The following SYNE1 variants were observed in gnomAD, a reference collection of about 807,000 sequenced individuals.
The protein encoded by SYNE1 is nesprin-1.
In SYNE1, 616 loss-of-function variants were observed where a neutral mutation model predicts 1,111.0. The observed-to-expected ratio is 0.55, with a 90% CI of 0.52 to 0.59. The LOEUF (loss-of-function observed/expected upper bound fraction) is 0.59. Among genes scored for constraint, SYNE1 ranks in the 20% least tolerant of loss-of-function variants. SYNE1 has a pLI of 0.00. For missense variants in SYNE1, 10,006 were observed against 10,417.0 expected, an observed-to-expected ratio of 0.96 and a Z score of 1.72; for synonymous variants, 3,855 against 3,825.8, an observed-to-expected ratio of 1.01 and a Z score of -0.28.
intron 98 of SYNE1, among the ~76,000 whole-genome samples, chr6:152,275,373 A>G (rs2153698049): frequency 6.6e-6 from 1 of 152,236 alleles, no homozygotes; most frequent in East Asian, 1.9e-4. Context: ...TCTGTAAAAT[A>G]TGGGGTAGAA....
chr6:152,239,459 A>C (rs1367729081), intron 108 of SYNE1, 74 bp downstream of exon 108: 2 of 1,583,012 alleles, frequency 1.3e-6, no homozygotes, highest in Non-Finnish European at 1.7e-6. Flanking sequence ...GCATGGATAG[A>C]TACATCTTGC....
In SYNE1 at chr6:152,132,119, T is replaced by C; in HGVS notation, c.26094+3A>G. ...CAACTGAAAACGACCAGTGGAAAGT[T>C]ACCGTTTTCTGTCTGTTTGGGGTGC... On this transcript the variant is annotated splice_donor_region_variant and intron_variant, in intron 144 of 145. Coordinates refer to ENST00000367255, the MANE Select transcript of SYNE1 (RefSeq NM_182961.4). 1.9e-6 allele frequency: 3 copies of C among 1,613,852 alleles called. No individual in the cohort carries two copies. Among genetic ancestry groups the C allele is most frequent in the Non-Finnish European group, 2.5e-6 (3 of 1,179,782 alleles).
chr6:152,317,647 G>T lies in SYNE1; in HGVS notation c.16572+434C>A, dbSNP rs377719138. Reference sequence around the variant, plus strand: ...TAACTTGTCCCTGATTATATTAATCGATTTCAAAAGTCTAGTCTATATGCA... The same window carrying T: ...TAACTTGTCCCTGATTATATTAATCTATTTCAAAAGTCTAGTCTATATGCA... On this transcript the variant is annotated intron_variant, in intron 86 of 145. Coordinates refer to ENST00000367255, the MANE Select transcript of SYNE1 (RefSeq NM_182961.4). 1.4e-4 allele frequency among the ~76,000 whole-genome samples: 22 copies of T among 152,094 alleles called. 1 individual carries two copies. The highest frequency in any genetic ancestry group is 1.2e-3 in the Admixed American group (18 of 15,270).
chr6:152,490,800 C>T (rs2098966289), intron 11 of SYNE1, among the ~76,000 whole-genome samples: 1 of 152,128 alleles, frequency 6.6e-6, no homozygotes, highest in Non-Finnish European at 1.5e-5. Flanking sequence ...GTCCCCTGTC[C>T]TCACCCTCAC....
rs2099261675 is a variant in SYNE1 at position 152,539,987 on chromosome 6, T to C, written c.102A>G (p.Thr34=). ...EQEIVQKRTF[T]KWINSHLAKR... ...TGGCCAGATGAGAGTTGATCCATTT[T>C]GTGAAAGTTCGTTTTTGTACTATCT... Residue 34 remains threonine, a synonymous_variant, in exon 4 of 146, where the codon ACA becomes ACG. Coordinates refer to ENST00000367255, the MANE Select transcript of SYNE1 (RefSeq NM_182961.4). The C allele has an allele frequency of 5.6e-6, 9 of 1,613,868 alleles. No individual in the cohort carries two copies. In the East Asian group the frequency reaches 1.8e-4, roughly 32 times the overall value.
rs768831323 is a variant in SYNE1 at position 152,242,436 on chromosome 6, A to G, written c.19697T>C (p.Met6566Thr). 2 of 1,613,920 alleles carry G rather than the reference A, an allele frequency of 1.2e-6. No individual in the cohort carries two copies. Among genetic ancestry groups the G allele is most frequent in the African/African-American group, 1.3e-5 (1 of 74,978 alleles). ...SMQELSKLQD[M>T]YDELMMIIGS... is the part of the protein sequence containing the mutation. ...AATGATCATCATCAGCTCATCATAC[A>G]TGTCCTAAGAAGCAGAGACCACAAG... is the stretch of plus-strand genomic sequence containing the variant. Residue 6566 changes from methionine to threonine, a missense_variant, in exon 107 of 146, where the codon ATG (methionine) becomes ACG (threonine). Met to Thr is a moderately conservative substitution (Grantham distance 81). Around this residue, in one of 7 missense-constraint regions of SYNE1, gnomAD observed 2,182 missense variants for 2,287.8 expected, o/e 0.95. Coordinates refer to ENST00000367255, the MANE Select transcript of SYNE1 (RefSeq NM_182961.4).
In SYNE1 at chr6:152,401,292, G is replaced by C; in HGVS notation, c.6875C>G (p.Thr2292Ser). ...CTTCAGGGTTCCTTTTGCTACTTCAGTTATTTCTTTGGCATGCTCCAGTTT... is the reference window on the plus strand; with the variant it reads ...CTTCAGGGTTCCTTTTGCTACTTCACTTATTTCTTTGGCATGCTCCAGTTT... The part of the protein sequence containing the change: ...MQKLEHAKEI[T>S]EVAKGTLKDF... Residue 2292 changes from threonine to serine, a missense_variant, in exon 47 of 146, where the codon ACT (threonine) becomes AGT (serine). Around this residue, in one of 7 missense-constraint regions of SYNE1, gnomAD observed 4,955 missense variants for 5,017.2 expected, o/e 0.99. Transcript: ENST00000367255. 1 of 1,614,010 alleles carries C rather than the reference G, an allele frequency of 6.2e-7. No individual in the cohort carries two copies. Among genetic ancestry groups the C allele is most frequent in the Non-Finnish European group, 8.5e-7 (1 of 1,180,004 alleles).
rs374236909 is a variant in SYNE1, at chr6:152,266,920, G to A, written c.18815+1136C>T. Among the ~76,000 whole-genome samples the A allele has an allele frequency of 2.7e-3, 408 of 152,022 alleles. 1 individual carries two copies. Among genetic ancestry groups the A allele is most frequent in the African/African-American group, 9.1e-3 (376 of 41,486 alleles). On this transcript the variant is annotated intron_variant, in intron 100 of 145. Transcript: ENST00000367255. The stretch of plus-strand genomic sequence containing the variant: ...AAAAAAAAAGTTTAATTCCTATGTC[G>A]TCCATCTCTAAAATGTTTTTTTTAT...
chr6:152,391,545 T>C lies in SYNE1; in HGVS notation c.7736A>G (p.Gln2579Arg), dbSNP rs1308963179. 3 of 1,572,104 alleles carry C rather than the reference T, an allele frequency of 1.9e-6. No individual in the cohort carries two copies. The highest frequency in any genetic ancestry group is 2.6e-6 in the Non-Finnish European group (3 of 1,162,330). Residue 2579 changes from glutamine (Q) to arginine (R), a missense_variant, in exon 52 of 146, where the codon CAG (glutamine) becomes CGG (arginine). By Grantham distance (43) the Gln-to-Arg change is conservative. Around this residue, in one of 7 missense-constraint regions of SYNE1, gnomAD observed 4,955 missense variants for 5,017.2 expected, o/e 0.99. Coordinates refer to ENST00000367255, the MANE Select transcript of SYNE1 (RefSeq NM_182961.4). ...TTCTTCACTCAGAAGCTGCCCTCTC[T>C]GGGAAAGCTTATCAAGAGACTCTCT... ...AARESLDKLSQRGQLLSEEGH... is the reference protein window; with the variant it reads ...AARESLDKLSRRGQLLSEEGH...
chr6:152,187,884 C>T (rs749833486), intron 128 of SYNE1, among the ~76,000 whole-genome samples: 3 of 152,076 alleles, frequency 2.0e-5, no homozygotes, highest in Non-Finnish European at 4.4e-5. Context: ...CGCCACCATC[C>T]GCGGCTAATT....
At chr6:152,462,445 G>A in intron 20 of SYNE1, 1 of 514,326 alleles carries the variant, frequency 1.9e-6, no homozygotes, top group Non-Finnish European at 3.4e-6. Flanking sequence ...AAGTATTTAG[G>A]TGCGGGTGCT....
chr6:152,397,919 T>C (rs952266779), intron 49 of SYNE1, among the ~76,000 whole-genome samples: 4 of 151,380 alleles, frequency 2.6e-5, no homozygotes, highest in African/African-American at 9.7e-5. Flanking sequence ...GAGAATCACT[T>C]GAACCCAGGA....
rs1051576555 is a variant in SYNE1 at position 152,258,413 on chromosome 6, G to A, written c.18973-1648C>T. Among the ~76,000 whole-genome samples, 5 of 152,292 alleles carry A rather than the reference G, an allele frequency of 3.3e-5. No individual in the cohort carries two copies. The East Asian group carries it at 9.6e-4, about 29-fold the overall frequency. ...TCATCTTTGCACTTGGCTGCATTAT[G>A]CGAATTATTATAATGCATATATGTA... On this transcript the variant is annotated intron_variant, in intron 101 of 145. Coordinates refer to ENST00000367255, the MANE Select transcript of SYNE1 (RefSeq NM_182961.4).
intron 141 of SYNE1, 41 bp downstream of exon 141, chr6:152,136,577 T>C: frequency 6.2e-7 from 1 of 1,609,008 alleles, no homozygotes; most frequent in Non-Finnish European, 8.5e-7. Flanking sequence ...AAATTGCTAA[T>C]GTCTCTCTCT....
chr6:152,197,934 C>T (rs886078532), intron 127 of SYNE1, among the ~76,000 whole-genome samples: 10 of 151,748 alleles, frequency 6.6e-5, no homozygotes, highest in Non-Finnish European at 1.2e-4. Context: ...TTCTCAATGG[C>T]ATCTTCTTCC....
intron 112 of SYNE1, among the ~76,000 whole-genome samples, chr6:152,233,044 T>G (rs2083152702): frequency 6.6e-6 from 1 of 152,186 alleles, no homozygotes; most frequent in Non-Finnish European, 1.5e-5. Context: ...TGTTCTGGGA[T>G]TTCAGGGGAG....
Position 152,206,175 on chromosome 6 carries a change from A to T in SYNE1, c.23012T>A (p.Leu7671Ter). ...TTTTCTAACTGAACTTACTTTCAACAAGAAGGCTAGTTTTTTCTTCTGTTC... is the reference window on the plus strand; with the variant it reads ...TTTTCTAACTGAACTTACTTTCAACTAGAAGGCTAGTTTTTTCTTCTGTTC... ...LEEQKKKLAF[L>*]LKDWEKCEKG... The change falls in exon 126 of 146, where the codon TTG becomes TAG. Residue 7671 changes from leucine (L) to a stop codon, truncating the protein, a stop_gained. Transcript: ENST00000367255. LOFTEE classifies it high-confidence loss of function. 1 of 1,613,502 alleles carries T rather than the reference A, an allele frequency of 6.2e-7. No homozygotes were observed. Among genetic ancestry groups the T allele is most frequent in the Non-Finnish European group, 8.5e-7 (1 of 1,180,018 alleles).
At chr6:152,367,491 C>G in intron 61 of SYNE1, 109 bp from the exon 62 acceptor site, 1 of 1,282,124 alleles carries the variant, frequency 7.8e-7, no homozygotes, top group Non-Finnish European at 1.1e-6. Flanking sequence ...ATACGCTGCA[C>G]AGATACGAGG....
intron 130 of SYNE1, among the ~76,000 whole-genome samples, chr6:152,164,643 A>G (rs2063243831): frequency 6.6e-6 from 1 of 152,170 alleles, no homozygotes; most frequent in African/African-American, 2.4e-5. Context: ...TCTCAACTCC[A>G]TTACTACCTA....
Sources: allele counts gnomAD v4.1 joint callset (sites outside exome capture counted in the v4.1 genomes callset), GRCh38; gene constraint gnomAD v4.1.1; regional missense constraint gnomAD v4.1.1; transcripts MANE v1.5; gene names NCBI Gene and HGNC (gene_info 2026-07-23, HGNC 2026-07-21).